The following LRRC4C variants were observed in gnomAD, a reference collection of about 807,000 sequenced individuals.
The protein encoded by LRRC4C is leucine rich repeat containing 4C.
In LRRC4C, 5 loss-of-function variants were observed where a neutral mutation model predicts 33.6. The ratio of observed to expected loss-of-function variants is 0.15; its 90% confidence interval spans 0.08 to 0.31. LRRC4C has a LOEUF of 0.31. Ranked by LOEUF, LRRC4C falls within the 10% of genes least tolerant of loss-of-function variation. The probability of loss-of-function intolerance (pLI) is 1.00; values close to 1 mark genes in which losing one functional copy is unlikely to be tolerated. For synonymous variants in LRRC4C, 329 were observed against 302.0 expected (o/e 1.09, Z -0.93); for missense variants, 560 against 796.7 (o/e 0.70, Z 3.58).
chr11:41,230,046 C>T (rs1293723325), intron 1 of LRRC4C, among the ~76,000 whole-genome samples: 2 of 152,006 alleles, frequency 1.3e-5, no homozygotes, highest in East Asian at 3.9e-4. Flanking sequence ...CTCATCATAT[C>T]TCTGACTACA....
intron 1 of LRRC4C, among the ~76,000 whole-genome samples, chr11:41,300,688 T>C (rs1950260535): frequency 2.0e-5 from 3 of 152,210 alleles, no homozygotes; most frequent in Admixed American, 2.0e-4. Context: ...CACCTTCCTC[T>C]ACCTTGACAT....
intron 5 of LRRC4C, among the ~76,000 whole-genome samples, chr11:40,213,450 G>A (rs1414777721): frequency 1.3e-5 from 2 of 152,080 alleles, no homozygotes; most frequent in Non-Finnish European, 2.9e-5. Context: ...CAGCAGATTG[G>A]AGTCAAGAGG....
At chr11:40,442,528 G>A (rs1408398984) in intron 3 of LRRC4C, among the ~76,000 whole-genome samples, 2 of 152,112 alleles carry the variant, frequency 1.3e-5, no homozygotes, top group African/African-American at 4.8e-5. Flanking sequence ...AAATACAATG[G>A]AACCAGAGAG....
intron 1 of LRRC4C, among the ~76,000 whole-genome samples, chr11:41,407,811 T>C (rs1276803368): frequency 1.3e-5 from 2 of 152,020 alleles, no homozygotes; most frequent in Non-Finnish European, 2.9e-5. Context: ...CAAAGGTAGG[T>C]GTAAGAAAGA....
chr11:40,772,541 T>C lies in LRRC4C; in HGVS notation c.-406-124263A>G, dbSNP rs530789860. Among the ~76,000 whole-genome samples the C allele has an allele frequency of 3.3e-5, 5 of 152,212 alleles. No homozygotes were observed. In the South Asian group the frequency reaches 6.2e-4, roughly 19 times the overall value. On this transcript the variant is annotated intron_variant, in intron 2 of 6. Coordinates refer to ENST00000528697, the MANE Select transcript of LRRC4C (RefSeq NM_001258419.2). ...AATCTGATTTTAAAAATGGGCAAAA[T>C]ATCTAAATATACATTTCTGTAAAGA...
intron 3 of LRRC4C, among the ~76,000 whole-genome samples, chr11:40,342,886 C>A (rs890300928): frequency 2.0e-5 from 3 of 152,074 alleles, no homozygotes; most frequent in African/African-American, 7.2e-5. Flanking sequence ...ATATATTTAT[C>A]TATTCATTCA....
intron 2 of LRRC4C, among the ~76,000 whole-genome samples, chr11:40,731,002 T>C (rs917767996): frequency 1.3e-5 from 2 of 152,088 alleles, no homozygotes; most frequent in Non-Finnish European, 2.9e-5. Context: ...AGTGAATGAG[T>C]TCTCACGAGA....
intron 1 of LRRC4C, among the ~76,000 whole-genome samples, chr11:41,298,890 G>T (rs1257036148): frequency 6.6e-6 from 1 of 152,088 alleles, no homozygotes; most frequent in Non-Finnish European, 1.5e-5. Flanking sequence ...TGAGAATGTG[G>T]TATTTGACAT....
chr11:40,799,761 A>G (rs1950968341), intron 2 of LRRC4C, among the ~76,000 whole-genome samples: 1 of 152,198 alleles, frequency 6.6e-6, no homozygotes, highest in African/African-American at 2.4e-5. Context: ...GAGCCACTAC[A>G]TCTGGTCGTA....
At chr11:40,778,893 A>T (rs1565051019) in intron 2 of LRRC4C, among the ~76,000 whole-genome samples, 1 of 152,218 alleles carries the variant, frequency 6.6e-6, no homozygotes, top group Admixed American at 6.5e-5. Flanking sequence ...GAAGGAAAAA[A>T]GTAGATCCCA....
chr11:40,984,415 G>GAA (rs775053197), intron 1 of LRRC4C, among the ~76,000 whole-genome samples: 48 of 73,666 alleles, frequency 6.5e-4, no homozygotes, highest in East Asian at 2.6e-3. Context: ...AAGAAAGAAA[G>GAA]AGAAAGAAAG....
At chr11:41,402,088 G>T (rs1006333828) in intron 1 of LRRC4C, among the ~76,000 whole-genome samples, 2 of 151,914 alleles carry the variant, frequency 1.3e-5, no homozygotes, top group African/African-American at 4.8e-5. Context: ...GATAGAGAGA[G>T]ATAAAAAATA....
chr11:41,108,045 C>T (rs780122809), intron 1 of LRRC4C, among the ~76,000 whole-genome samples: 8 of 151,902 alleles, frequency 5.3e-5, no homozygotes, highest in Non-Finnish European at 7.4e-5. Flanking sequence ...ACTAAGAATG[C>T]AAACATAATT....
intron 4 of LRRC4C, among the ~76,000 whole-genome samples, chr11:40,275,575 G>C (rs886208768): frequency 1.3e-5 from 2 of 151,984 alleles, no homozygotes; most frequent in Non-Finnish European, 2.9e-5. Flanking sequence ...CTAAATTACC[G>C]CTCATCCAAT....
chr11:40,559,606 A>T (rs1186673124), intron 3 of LRRC4C, among the ~76,000 whole-genome samples: 1 of 152,156 alleles, frequency 6.6e-6, no homozygotes, highest in Non-Finnish European at 1.5e-5. Flanking sequence ...GGCTTTCCAC[A>T]ATAGCTGAAC....
rs1473715021 is a variant in LRRC4C at position 40,845,099 on chromosome 11, TTTTAA to T, written c.-407+88531_-407+88535del. Among the ~76,000 whole-genome samples, 6 of 152,236 alleles carry T rather than the reference TTTTAA, an allele frequency of 3.9e-5. No homozygotes were observed. The South Asian group carries it at 1.2e-3, about 32-fold the overall frequency. On this transcript the variant is annotated intron_variant, in intron 2 of 6. Coordinates refer to ENST00000528697, the MANE Select transcript of LRRC4C (RefSeq NM_001258419.2). ...TGTTGTACAACATAAATATATACAA[TTTTAA>T]TTTGTTAATTTTTTCATAATCTCTT...
chr11:40,412,387 G>C, intron 3 of LRRC4C, among the ~76,000 whole-genome samples: 1 of 151,906 alleles, frequency 6.6e-6, no homozygotes, highest in Non-Finnish European at 1.5e-5. Context: ...CTTCTTTCCT[G>C]GTTTTCCATT....
Position 40,728,616 on chromosome 11 carries a change from A to G in LRRC4C, c.-406-80338T>C, listed in dbSNP as rs748715908. 1.1e-3 allele frequency among the ~76,000 whole-genome samples: 142 copies of G among 125,548 alleles called. 2 individuals carry two copies. The highest frequency in any genetic ancestry group is 4.6e-3 in the Admixed American group (53 of 11,430). 82.4% of individuals were successfully genotyped at this position (125,548 alleles called of 152,430 possible). A position where few individuals can be genotyped will look rare whatever the true frequency, so the allele number is the denominator to read the frequency against. On this transcript the variant is annotated intron_variant, in intron 2 of 6. Transcript: ENST00000528697. ...ACTCCAGCCTGGGTGACAGAGTCAG[A>G]CTCCGTCTCAAAAAAAAAAAAAAAA...
chr11:40,897,751 CTTAACTGACTGACCTACATT>C (rs1956011457), intron 2 of LRRC4C, among the ~76,000 whole-genome samples: 1 of 152,154 alleles, frequency 6.6e-6, no homozygotes, highest in South Asian at 2.1e-4. Flanking sequence ...CCGAAGTTCT[CTTAACTGACTGACCTACATT>C]TTAACTGACT....
Sources: gnomAD v4.1 joint callset for allele counts (sites outside exome capture counted in the v4.1 genomes callset) on GRCh38, gnomAD v4.1.1 for gene constraint, MANE v1.5 for transcripts, NCBI Gene and HGNC (gene_info 2026-07-23, HGNC 2026-07-21) for gene names.